TEAD1: variants seen among roughly 807,000 people sequenced by gnomAD.
The protein encoded by TEAD1 is transcriptional enhancer factor TEF-1.
In TEAD1, 9 loss-of-function variants were observed where a neutral mutation model predicts 54.9. The ratio of observed to expected loss-of-function variants is 0.16; its 90% CI spans 0.10 to 0.29. The LOEUF (loss-of-function observed/expected upper bound fraction) is 0.29, where lower values mean the gene tolerates loss of function less well. Ranked by LOEUF, TEAD1 falls within the 10% of genes least tolerant of loss-of-function variation. TEAD1 has a pLI of 1.00. For synonymous variants in TEAD1, 200 were observed against 187.8 expected (o/e 1.07, Z -0.53); for missense variants, 387 against 535.9 (o/e 0.72, Z 2.74).
At chr11:12,767,747 T>C (rs1340958954) in intron 3 of TEAD1, among the ~76,000 whole-genome samples, 2 of 151,862 alleles carry the variant, frequency 1.3e-5, no homozygotes, top group African/African-American at 4.8e-5. Context: ...AGGCAGTCGT[T>C]TTTATGGATT....
intron 3 of TEAD1, among the ~76,000 whole-genome samples, chr11:12,833,269 A>T (rs542370625): frequency 6.6e-6 from 1 of 152,212 alleles, no homozygotes; most frequent in African/African-American, 2.4e-5. Context: ...GACTTTATCA[A>T]TGAGTTGAAA....
chr11:12,876,188 A>G (rs1947850439), intron 5 of TEAD1, among the ~76,000 whole-genome samples: 1 of 152,202 alleles, frequency 6.6e-6, no homozygotes, highest in Admixed American at 6.5e-5. Flanking sequence ...CAGAAGAAAA[A>G]GATCATGTTC....
At chr11:12,778,709 A>G (rs1172936065) in intron 3 of TEAD1, among the ~76,000 whole-genome samples, 1 of 152,100 alleles carries the variant, frequency 6.6e-6, no homozygotes, top group Non-Finnish European at 1.5e-5. Flanking sequence ...ATAAAATTCC[A>G]TCTTGTGCCT....
chr11:12,725,203 G>A (rs1273448394), intron 2 of TEAD1, among the ~76,000 whole-genome samples: 1 of 152,158 alleles, frequency 6.6e-6, no homozygotes, highest in African/African-American at 2.4e-5. Flanking sequence ...TGAGGAAATC[G>A]AGGTGCACAG....
intron 5 of TEAD1, 190 bp downstream of exon 5, chr11:12,865,090 A>T: frequency 1.4e-6 from 1 of 694,216 alleles, no homozygotes; most frequent in East Asian, 2.8e-5. Context: ...AATGTGTGTG[A>T]GCGCGTGTGT....
chr11:12,907,315 T>G lies in TEAD1; in HGVS notation c.873+5202T>G, dbSNP rs376879185. 5.9e-5 allele frequency among the ~76,000 whole-genome samples: 9 copies of G among 152,096 alleles called. No individual in the cohort carries two copies. In the South Asian group the frequency reaches 1.9e-3, roughly 31 times the overall value. ...TGGAAAGATAGGTGAGTAGAAAAAT[T>G]TGGAAAGAGAAGGAATCCAGAATTT... On this transcript the variant is annotated intron_variant, in intron 10 of 12. Transcript: ENST00000527636.
chr11:12,837,681 TTTCTCCCTTCTCCC>T (rs145222171), intron 3 of TEAD1, among the ~76,000 whole-genome samples: 3 of 82,956 alleles, frequency 3.6e-5, no homozygotes, highest in African/African-American at 1.2e-4. Context: ...TTCTTCCTTC[TTTCTCCCTTCTCCC>T]TTCTCCCTTC....
At chr11:12,696,018 C>T (rs1378642975) in intron 2 of TEAD1, among the ~76,000 whole-genome samples, 1 of 152,142 alleles carries the variant, frequency 6.6e-6, no homozygotes, top group Non-Finnish European at 1.5e-5. Context: ...GTTTTTTCCT[C>T]CAACCCAGGC....
intron 3 of TEAD1, among the ~76,000 whole-genome samples, chr11:12,807,723 A>G (rs1946205558): frequency 6.6e-6 from 1 of 152,228 alleles, no homozygotes; most frequent in Admixed American, 6.5e-5. Context: ...TGTAAACTCC[A>G]GAGGGCTGCA....
At chr11:12,712,318 G>T (rs78105834) in intron 2 of TEAD1, among the ~76,000 whole-genome samples, 5 of 152,122 alleles carry the variant, frequency 3.3e-5, no homozygotes, top group Admixed American at 6.5e-5. Flanking sequence ...TCTGACTATG[G>T]CCTCTGGAAT....
At chr11:12,837,684 C>CTCCTTTCTCCCTTCTCCCTTT (rs1419932562) in intron 3 of TEAD1, among the ~76,000 whole-genome samples, 11 of 146,638 alleles carry the variant, frequency 7.5e-5, no homozygotes, top group Admixed American at 5.4e-4. Flanking sequence ...TTCCTTCTTT[C>CTCCTTTCTCCCTTCTCCCTTT]TCCCTTCTCC....
chr11:12,750,757 C>T (rs928328882), intron 2 of TEAD1, among the ~76,000 whole-genome samples: 3 of 152,204 alleles, frequency 2.0e-5, no homozygotes, highest in African/African-American at 7.2e-5. Context: ...CCCACATCTC[C>T]TCCACTAATA....
At chr11:12,899,313 C>G (rs1327843982) in intron 9 of TEAD1, among the ~76,000 whole-genome samples, 1 of 133,706 alleles carries the variant, frequency 7.5e-6, no homozygotes, top group African/African-American at 2.8e-5. Context: ...ATAAACAATG[C>G]CTTTTGCCCT....
chr11:12,851,001 A>C (rs1231345515), intron 3 of TEAD1: 1 of 892,086 alleles, frequency 1.1e-6, no homozygotes, highest in Non-Finnish European at 1.3e-6. Context: ...GGATTTACAG[A>C]TTTCAGGTGA....
At chr11:12,796,073 G>A (rs1048472445) in intron 3 of TEAD1, among the ~76,000 whole-genome samples, 3 of 152,150 alleles carry the variant, frequency 2.0e-5, no homozygotes, top group African/African-American at 7.2e-5. Context: ...TATTTCCACA[G>A]TAGTGCAGAA....
At chr11:12,769,570 G>A (rs1945275575) in intron 3 of TEAD1, among the ~76,000 whole-genome samples, 1 of 152,084 alleles carries the variant, frequency 6.6e-6, no homozygotes, top group Non-Finnish European at 1.5e-5. Context: ...TTGAGGATCA[G>A]GGAGGTAGGC....
At chr11:12,843,797 G>A (rs1053728081) in intron 3 of TEAD1, among the ~76,000 whole-genome samples, 1 of 152,156 alleles carries the variant, frequency 6.6e-6, no homozygotes, top group Non-Finnish European at 1.5e-5. Context: ...TCTCATTTAT[G>A]GCGCTGAAAA....
chr11:12,794,758 A>G (rs746415401), intron 3 of TEAD1, among the ~76,000 whole-genome samples: 24 of 152,164 alleles, frequency 1.6e-4, no homozygotes, highest in Non-Finnish European at 2.6e-4. Flanking sequence ...CATGCACATA[A>G]TGGGCCCAGC....
At chr11:12,830,554 A>G (rs73425640) in intron 3 of TEAD1, among the ~76,000 whole-genome samples, 6,908 of 152,076 alleles carry the variant, frequency 0.045, 568 homozygotes, top group African/African-American at 0.16. Context: ...CAGCCTCCCC[A>G]CACGACACAG....
Sources: gnomAD v4.1 joint callset for allele counts (sites outside exome capture counted in the v4.1 genomes callset) on GRCh38, gnomAD v4.1.1 for gene constraint, MANE v1.5 for transcripts, NCBI Gene and HGNC (gene_info 2026-07-23, HGNC 2026-07-21) for gene names.